Variants in PIWIL3 observed in about 807,000 individuals in gnomAD.
PIWIL3 encodes the protein piwi-like protein 3.
PIWIL3 carries 101 observed loss-of-function variants against 109.7 expected under a neutral mutation model. That is an observed-to-expected ratio of 0.92 (90% CI 0.78 to 1.09). PIWIL3 has a LOEUF of 1.09. PIWIL3 is among the 50% of genes least tolerant of loss of function. The pLI is 0.00. For synonymous variants in PIWIL3, 373 were observed against 376.4 expected (o/e 0.99, Z 0.10); for missense variants, 1,031 against 1,072.6 (o/e 0.96, Z 0.54).
chr22:24,735,047 A>T (rs867523106), intron 13 of PIWIL3, among the ~76,000 whole-genome samples: 5 of 151,908 alleles, frequency 3.3e-5, no homozygotes, highest in South Asian at 2.1e-4. Context: ...GTAAAAAAAT[A>T]AAAAAATAAA....
chr22:24,762,147 T>C (rs1925476411), intron 2 of PIWIL3, among the ~76,000 whole-genome samples: 1 of 152,182 alleles, frequency 6.6e-6, no homozygotes, highest in Non-Finnish European at 1.5e-5. Context: ...TAGAAACCTT[T>C]GCATCCACTT....
chr22:24,764,421 A>G (rs1407534234), intron 1 of PIWIL3, among the ~76,000 whole-genome samples: 5 of 152,194 alleles, frequency 3.3e-5, no homozygotes, highest in Non-Finnish European at 2.9e-5. Context: ...CGGTGTAACT[A>G]AATGCAGCTG....
At chr22:24,744,178 T>TAAAAAAAAAAA (rs1188611412) in intron 12 of PIWIL3, among the ~76,000 whole-genome samples, 25 of 34,308 alleles carry the variant, frequency 7.3e-4, no homozygotes, top group East Asian at 1.7e-3. Context: ...GTGACCGAAT[T>TAAAAAAAAAAA]AAAAAAAAAA....
rs1569107998 is a variant in PIWIL3 at position 24,754,820 on chromosome 22, T to C, written c.737A>G (p.Tyr246Cys). ...LDFEQVGRNY[Y>C]TKKKAIQLYR... ...TAACTGAATGGCCTTCTTTTTGGTA[T>C]AATAGTTGCGACCAACTTGTTCAAA... is the stretch of plus-strand genomic sequence containing the variant. The change falls in exon 7 of 21, where the codon TAT (tyrosine) becomes TGT (cysteine). Residue 246 changes from tyrosine to cysteine, a missense_variant. Transcript: ENST00000616349. The C allele has an allele frequency of 1.9e-6, 3 of 1,612,874 alleles. No homozygotes were observed. Among genetic ancestry groups the C allele is most frequent in the Middle Eastern group, 1.7e-4 (1 of 6,058 alleles).
intron 12 of PIWIL3, among the ~76,000 whole-genome samples, chr22:24,746,258 A>C (rs937598233): frequency 3.9e-5 from 6 of 152,218 alleles, no homozygotes; most frequent in Non-Finnish European, 7.4e-5. Context: ...TGTCCCAGGG[A>C]TTCAAGGATG....
chr22:24,760,740 A>G (rs1292321659), intron 2 of PIWIL3, among the ~76,000 whole-genome samples: 1 of 141,260 alleles, frequency 7.1e-6, no homozygotes, highest in Non-Finnish European at 1.5e-5. Flanking sequence ...AGATCACGCC[A>G]TTGCACTCCA....
At chr22:24,772,850 T>C (rs564505169) in intron 1 of PIWIL3, among the ~76,000 whole-genome samples, 2 of 152,306 alleles carry the variant, frequency 1.3e-5, no homozygotes, top group East Asian at 3.9e-4. Context: ...GGCCTGCATG[T>C]GCCGGGTGTC....
At chr22:24,752,779 T>C (rs1042872478) in intron 8 of PIWIL3, among the ~76,000 whole-genome samples, 1 of 152,096 alleles carries the variant, frequency 6.6e-6, no homozygotes, top group African/African-American at 2.4e-5. Flanking sequence ...CCATTTAATA[T>C]TCCTACAAGC....
intron 1 of PIWIL3, among the ~76,000 whole-genome samples, chr22:24,764,625 CGTGTGTGTGTGTGTGTGT>C (rs140531011): frequency 7.4e-5 from 10 of 134,622 alleles, no homozygotes; most frequent in East Asian, 2.3e-4. Flanking sequence ...TTGACCTTGC[CGTGTGTGTGTGTGTGTGT>C]GTGTGTGTGT....
Position 24,758,003 on chromosome 22 carries a change from G to A in PIWIL3, c.260C>T (p.Thr87Ile). 6.2e-7 allele frequency: 1 copy of A among 1,613,906 alleles called. No homozygotes were observed. The highest frequency in any genetic ancestry group is 1.1e-5 in the South Asian group (1 of 91,022). ...AATCCTTCTCTCCTGCAAGGGCGCT[G>A]TATGCAACCCAGCCTCAGGTCCAGG... ...KEPGPEAGLH[T>I]APLQERRIGG... Residue 87 changes from threonine (T) to isoleucine (I), a missense_variant, in exon 4 of 21, where the codon ACA becomes ATA. By Grantham distance (89) the Thr-to-Ile change is moderately conservative (BLOSUM62 -1). Transcript: ENST00000616349.
chr22:24,730,363 C>CAAAAAA (rs59306341), intron 14 of PIWIL3, among the ~76,000 whole-genome samples: 40 of 93,492 alleles, frequency 4.3e-4, no homozygotes, highest in African/African-American at 1.1e-3. Flanking sequence ...GACTCAGTCT[C>CAAAAAA]AAAAAAAAAA....
chr22:24,749,509 T>C lies in PIWIL3; in HGVS notation c.1229A>G (p.Glu410Gly), dbSNP rs755696170. 3 of 1,613,340 alleles carry C rather than the reference T, an allele frequency of 1.9e-6. No homozygotes were observed. The highest frequency in any genetic ancestry group is 2.5e-6 in the Non-Finnish European group (3 of 1,179,990). The change falls in exon 11 of 21, where the codon GAA becomes GGA. Residue 410 changes from glutamate to glycine, a missense_variant. Coordinates refer to ENST00000616349, the MANE Select transcript of PIWIL3 (RefSeq NM_001255975.1). Reference protein sequence around the residue: ...QLCHMTGLTDEICKDYSIVKE... With the variant: ...QLCHMTGLTDGICKDYSIVKE... ...CACAATGCTATAATCTTTACATATT[T>C]CATCTGTTAGACCTTTAAAAAAATC...
At position 24,719,462 on chromosome 22, in the gene PIWIL3, C is replaced by G. The variant is rs1446269762; in HGVS notation, c.*10G>C. Reference sequence around the variant, plus strand: ...TGGTTTCATTAGCACATCAGGTCTTCTTCTGCAGGTCAAAGGTAAAAGAGA... The same window carrying G: ...TGGTTTCATTAGCACATCAGGTCTTGTTCTGCAGGTCAAAGGTAAAAGAGA... On this transcript the variant is annotated 3_prime_UTR_variant, in exon 21 of 21. Transcript: ENST00000616349. 1 of 1,548,306 alleles carries G rather than the reference C, an allele frequency of 6.5e-7. No individual in the cohort carries two copies. The highest frequency in any genetic ancestry group is 8.7e-7 in the Non-Finnish European group (1 of 1,148,014).
chr22:24,747,589 A>G (rs1385249182), intron 12 of PIWIL3, among the ~76,000 whole-genome samples: 1 of 152,214 alleles, frequency 6.6e-6, no homozygotes, highest in Non-Finnish European at 1.5e-5. Flanking sequence ...AGGAAAGCAA[A>G]CAACTTTATA....
At chr22:24,756,041 G>C in intron 5 of PIWIL3, 136 bp from the exon 6 acceptor site, 1 of 887,676 alleles carries the variant, frequency 1.1e-6, no homozygotes, top group Non-Finnish European at 1.7e-6. Context: ...ACAAAAGTAC[G>C]TGCGTGTGGA....
chr22:24,719,129 T>G lies in PIWIL3; in HGVS notation c.*343A>C, dbSNP rs940778617. 9.4e-5 allele frequency: 15 copies of G among 158,808 alleles called. No individual in the cohort carries two copies. The highest frequency in any genetic ancestry group is 1.3e-4 in the Admixed American group (2 of 15,560). 9.8% of individuals were successfully genotyped at this position (158,808 alleles called of 1,614,324 possible). A position where few individuals can be genotyped will look rare whatever the true frequency, so the allele number is the denominator to read the frequency against. On this transcript the variant is annotated 3_prime_UTR_variant, in exon 21 of 21. Coordinates refer to ENST00000616349, the MANE Select transcript of PIWIL3 (RefSeq NM_001255975.1). ...TAGTTTTCCAAGTAGAGTTTACTTG[T>G]TCACAGATGTACTCTCTCTGTGACG...
Position 24,725,507 on chromosome 22 carries a change from G to GA in PIWIL3, c.2017dup (p.Ser673PhefsTer29). ...TCCTGTTTTCTGGATGACACATTGAGAGTACCACCTGTTCACAGAAAAACC... is the reference window on the plus strand; with the variant it reads ...TCCTGTTTTCTGGATGACACATTGAGAAGTACCACCTGTTCACAGAAAAACC... On this transcript the variant is annotated frameshift_variant, in exon 17 of 21. Transcript: ENST00000616349. LOFTEE classifies it high-confidence loss of function. 4 of 1,614,024 alleles carry GA rather than the reference G, an allele frequency of 2.5e-6. No homozygotes were observed. The highest frequency in any genetic ancestry group is 3.4e-6 in the Non-Finnish European group (4 of 1,180,018).
chr22:24,754,259 A>T (rs761762508), intron 7 of PIWIL3, 42 bp from the exon 8 acceptor site: 27 of 1,549,672 alleles, frequency 1.7e-5, no homozygotes, highest in Non-Finnish European at 2.3e-5. Context: ...ATCTCTTCAC[A>T]TAAAGCCAAG....
At chr22:24,764,128 C>A (rs564047664) in intron 1 of PIWIL3, among the ~76,000 whole-genome samples, 2 of 152,350 alleles carry the variant, frequency 1.3e-5, no homozygotes, top group South Asian at 2.1e-4. Flanking sequence ...GGAAAGCAGG[C>A]GTCGCCCCCG....
Sources: allele counts gnomAD v4.1 joint callset (sites outside exome capture counted in the v4.1 genomes callset), GRCh38; gene constraint gnomAD v4.1.1; transcripts MANE v1.5; gene names NCBI Gene and HGNC (gene_info 2026-07-23, HGNC 2026-07-21).